Variants in LAMA2 observed in about 807,000 individuals in gnomAD.
The protein encoded by LAMA2 is laminin subunit alpha 2, also known as laminin subunit alpha-2.
Under a neutral mutation model 364.8 loss-of-function variants are expected in LAMA2, and 269 were observed. The observed-to-expected ratio is 0.74, with a 90% CI of 0.67 to 0.82. The LOEUF is 0.82. Ranked by LOEUF, LAMA2 falls within the 40% of genes least tolerant of loss-of-function variation. The probability of loss-of-function intolerance (pLI) is 0.00; values close to 1 mark genes in which losing one functional copy is unlikely to be tolerated. For synonymous variants in LAMA2, 1,379 were observed against 1,370.6 expected (o/e 1.01, Z -0.14); for missense variants, 3,807 against 3,873.2 (o/e 0.98, Z 0.45).
At chr6:129,475,664 C>G (rs1432648623) in intron 53 of LAMA2, among the ~76,000 whole-genome samples, 1 of 152,016 alleles carries the variant, frequency 6.6e-6, no homozygotes, top group Non-Finnish European at 1.5e-5. Flanking sequence ...ACTTGTTCAA[C>G]CATCTGCACA....
At chr6:129,280,226 A>G (rs1197688485) in intron 18 of LAMA2, 79 bp downstream of exon 18, 2 of 934,310 alleles carry the variant, frequency 2.1e-6, no homozygotes, top group East Asian at 2.4e-5. Context: ...CATCCTTTGC[A>G]TCATCCTTTG....
At chr6:129,234,041 C>A (rs1784836367) in intron 12 of LAMA2, among the ~76,000 whole-genome samples, 1 of 152,090 alleles carries the variant, frequency 6.6e-6, no homozygotes, top group African/African-American at 2.4e-5. Context: ...AGCGGCTTTG[C>A]CTGAAGCAAA....
chr6:129,131,172 T>C (rs999013215), intron 4 of LAMA2, among the ~76,000 whole-genome samples: 1 of 152,188 alleles, frequency 6.6e-6, no homozygotes, highest in African/African-American at 2.4e-5. Context: ...CCCTGGCCCC[T>C]GGATGATTGA....
intron 1 of LAMA2, among the ~76,000 whole-genome samples, chr6:128,894,118 G>A (rs577037304): frequency 1.3e-5 from 2 of 152,176 alleles, no homozygotes; most frequent in South Asian, 4.1e-4. Flanking sequence ...TGGCTGCAGT[G>A]TGGTATCTGA....
chr6:129,219,308 A>T (rs978283896), intron 12 of LAMA2, among the ~76,000 whole-genome samples: 1 of 152,228 alleles, frequency 6.6e-6, no homozygotes, highest in Non-Finnish European at 1.5e-5. Context: ...AATGGCAGTC[A>T]TTAAAAAGTC....
intron 22 of LAMA2, among the ~76,000 whole-genome samples, 187 bp from the exon 23 acceptor site, chr6:129,312,674 G>A (rs538056368): frequency 6.6e-6 from 1 of 152,282 alleles, no homozygotes; most frequent in East Asian, 1.9e-4. Flanking sequence ...TTCCATAAAT[G>A]CAGGAAGCAA....
chr6:129,379,323 G>T (rs946619405), intron 34 of LAMA2, among the ~76,000 whole-genome samples: 5 of 144,876 alleles, frequency 3.5e-5, no homozygotes, highest in Admixed American at 2.1e-4. Context: ...TTATGCATGG[G>T]TTTTTTTTTT....
chr6:129,046,682 T>C (rs1385498173), intron 1 of LAMA2, among the ~76,000 whole-genome samples: 2 of 152,202 alleles, frequency 1.3e-5, no homozygotes, highest in Admixed American at 1.3e-4. Flanking sequence ...GCCACATCTA[T>C]ATCCAGACAA....
intron 45 of LAMA2, among the ~76,000 whole-genome samples, chr6:129,446,227 A>T (rs1007380759): frequency 6.6e-6 from 1 of 152,012 alleles, no homozygotes; most frequent in Non-Finnish European, 1.5e-5. Context: ...GGAACAATAT[A>T]CAGAATAAGA....
chr6:128,989,171 A>G (rs138728178), intron 1 of LAMA2, among the ~76,000 whole-genome samples: 2,367 of 152,296 alleles, frequency 0.016, 28 homozygotes, highest in Middle Eastern at 0.027. Flanking sequence ...ATGGGGCTCC[A>G]TCCTTCAAAG....
At chr6:129,422,833 G>A (rs756550996) in intron 40 of LAMA2, among the ~76,000 whole-genome samples, 20 of 152,012 alleles carry the variant, frequency 1.3e-4, no homozygotes, top group Middle Eastern at 3.4e-3. Flanking sequence ...CTCATTCTAC[G>A]AGGCCAGTAT....
intron 1 of LAMA2, among the ~76,000 whole-genome samples, chr6:128,902,106 A>T (rs1025304398): frequency 2.0e-5 from 3 of 152,126 alleles, no homozygotes; most frequent in Admixed American, 2.0e-4. Context: ...AAACCATCAG[A>T]CCTCATGAGA....
At chr6:129,407,179 A>C (rs1780289282) in intron 40 of LAMA2, among the ~76,000 whole-genome samples, 1 of 151,988 alleles carries the variant, frequency 6.6e-6, no homozygotes. Context: ...TCAAATTTTA[A>C]TCTCCTTTGG....
chr6:129,255,405 C>CAAAAAAAAAAA lies in LAMA2; in HGVS notation c.2096+3130_2096+3140dup, dbSNP rs5879934. 8.9e-5 allele frequency among the ~76,000 whole-genome samples: 3 copies of CAAAAAAAAAAA among 33,814 alleles called. 1 individual carries two copies. Among genetic ancestry groups the CAAAAAAAAAAA allele is most frequent in the African/African-American group, 3.0e-4 (3 of 9,838 alleles). The allele number at this position is 33,814 out of a possible 152,430, so 22.2% of individuals were successfully genotyped here. ...TGGGTGACAGAGGGAGACTCTGTCT[C>CAAAAAAAAAAA]AAAAAAAAAAAAAAAAAAAAAAAAA... is the stretch of plus-strand genomic sequence containing the variant. On this transcript the variant is annotated intron_variant, in intron 14 of 64. Coordinates refer to ENST00000421865, the MANE Select transcript of LAMA2 (RefSeq NM_000426.4).
chr6:129,474,502 G>A (rs1783972046), intron 52 of LAMA2, among the ~76,000 whole-genome samples: 1 of 152,102 alleles, frequency 6.6e-6, no homozygotes, highest in Non-Finnish European at 1.5e-5. Flanking sequence ...TTATTACCTA[G>A]AAATTCATTT....
intron 17 of LAMA2, among the ~76,000 whole-genome samples, chr6:129,273,881 GCA>G (rs1788110866): frequency 6.6e-6 from 1 of 151,434 alleles, no homozygotes; most frequent in South Asian, 2.1e-4. Context: ...CTTAGAGTAA[GCA>G]ATTAATAATT....
At chr6:128,988,367 A>T (rs115582117) in intron 1 of LAMA2, among the ~76,000 whole-genome samples, 3,769 of 152,310 alleles carry the variant, frequency 0.025, 168 homozygotes, top group African/African-American at 0.085. Flanking sequence ...GACTAAAAAA[A>T]AAATTTGATT....
At chr6:129,218,977 A>G (rs905915227) in intron 12 of LAMA2, among the ~76,000 whole-genome samples, 4 of 152,162 alleles carry the variant, frequency 2.6e-5, no homozygotes, top group Admixed American at 2.0e-4. Context: ...AGATTTGCCA[A>G]TTCTTTTTAT....
intron 1 of LAMA2, among the ~76,000 whole-genome samples, chr6:128,883,807 C>A (rs377473351): frequency 2.0e-5 from 2 of 101,892 alleles, no homozygotes; most frequent in Admixed American, 1.8e-4. Flanking sequence ...TATATACACA[C>A]ACACACACAC....
Sources: allele counts gnomAD v4.1 joint callset (sites outside exome capture counted in the v4.1 genomes callset), GRCh38; gene constraint gnomAD v4.1.1; transcripts MANE v1.5; gene names NCBI Gene and HGNC (gene_info 2026-07-23, HGNC 2026-07-21).